SYT1: variants seen among roughly 807,000 people sequenced by gnomAD.
The protein encoded by SYT1 is synaptotagmin-1.
Under a neutral mutation model 44.8 loss-of-function variants are expected in SYT1, and 8 were observed. That is an observed-to-expected ratio of 0.18 (90% CI 0.10 to 0.32). The LOEUF (loss-of-function observed/expected upper bound fraction) is 0.32. Among genes scored for constraint, SYT1 ranks in the 10% least tolerant of loss-of-function variants. The pLI, the probability that SYT1 is intolerant of heterozygous loss-of-function variation, is 1.00. For missense variants in SYT1, 286 were observed against 509.3 expected (o/e 0.56, Z 4.22); for synonymous variants, 154 against 188.8 (o/e 0.82, Z 1.51).
intron 3 of SYT1, among the ~76,000 whole-genome samples, chr12:79,098,246 C>T (rs778725405): frequency 4.6e-5 from 7 of 151,746 alleles, no homozygotes; most frequent in Non-Finnish European, 1.0e-4. Context: ...GCCATCACTT[C>T]TTCCACGACA....
chr12:79,064,975 A>AGAAAGAAAGAAAGAAAGAAGGAAG (rs1875711683), intron 3 of SYT1, among the ~76,000 whole-genome samples: 4 of 149,202 alleles, frequency 2.7e-5, no homozygotes, highest in African/African-American at 1.0e-4. Flanking sequence ...AAAGAAAGAA[A>AGAAAGAAAGAAAGAAAGAAGGAAG]GAAAGAAAGA....
At chr12:78,982,785 A>G (rs1004085768) in intron 2 of SYT1, among the ~76,000 whole-genome samples, 11 of 152,176 alleles carry the variant, frequency 7.2e-5, no homozygotes, top group African/African-American at 2.4e-4. Flanking sequence ...TTGCTTGATA[A>G]TATTTCCTAC....
intron 1 of SYT1, among the ~76,000 whole-genome samples, chr12:78,916,160 A>G (rs1268512430): frequency 6.6e-6 from 1 of 152,040 alleles, no homozygotes; most frequent in African/African-American, 2.4e-5. Flanking sequence ...AAAGTAGTTA[A>G]GCTCTGTGGT....
intron 3 of SYT1, among the ~76,000 whole-genome samples, chr12:79,084,873 C>T (rs1404219219): frequency 6.6e-6 from 1 of 151,840 alleles, no homozygotes; most frequent in Non-Finnish European, 1.5e-5. Flanking sequence ...ATCCTGTAGC[C>T]AAAATGCTTG....
At chr12:79,362,770 T>A (rs1883368188) in intron 9 of SYT1, among the ~76,000 whole-genome samples, 1 of 152,154 alleles carries the variant, frequency 6.6e-6, no homozygotes, top group African/African-American at 2.4e-5. Context: ...CACCTTGATG[T>A]TTGAAAGAGA....
chr12:79,094,160 CT>C (rs1877965245), intron 3 of SYT1, among the ~76,000 whole-genome samples: 1 of 151,560 alleles, frequency 6.6e-6, no homozygotes, highest in South Asian at 2.1e-4. Flanking sequence ...TTTAGCAATA[CT>C]TTAAGGGTGT....
intron 3 of SYT1, among the ~76,000 whole-genome samples, chr12:79,217,161 T>C (rs914782835): frequency 5.3e-5 from 8 of 152,206 alleles, no homozygotes; most frequent in Admixed American, 5.2e-4. Context: ...TCATCAAGAA[T>C]TGTTTCATAC....
chr12:79,320,267 A>G (rs529577173), intron 8 of SYT1, among the ~76,000 whole-genome samples: 1 of 152,322 alleles, frequency 6.6e-6, no homozygotes, highest in South Asian at 2.1e-4. Flanking sequence ...TTCTCATGAA[A>G]GAGAGAGAGA....
At chr12:78,917,434 G>A (rs1392653125) in intron 1 of SYT1, among the ~76,000 whole-genome samples, 1 of 151,872 alleles carries the variant, frequency 6.6e-6, no homozygotes, top group Non-Finnish European at 1.5e-5. Context: ...ACACAAGAAG[G>A]GGAACATCAC....
At chr12:79,445,757 T>TA (rs1292238023) in intron 10 of SYT1, among the ~76,000 whole-genome samples, 1 of 150,718 alleles carries the variant, frequency 6.6e-6, no homozygotes, top group Non-Finnish European at 1.5e-5. Flanking sequence ...ATACCACTCT[T>TA]AATATGCCAA....
intron 8 of SYT1, among the ~76,000 whole-genome samples, chr12:79,320,990 T>G (rs1458949007): frequency 6.6e-6 from 1 of 152,150 alleles, no homozygotes; most frequent in Admixed American, 6.5e-5. Context: ...CCATTCTACC[T>G]GCTGGCTTGT....
At chr12:78,951,324 T>C (rs1878956033) in intron 1 of SYT1, among the ~76,000 whole-genome samples, 1 of 152,150 alleles carries the variant, frequency 6.6e-6, no homozygotes, top group African/African-American at 2.4e-5. Context: ...TATTATTTCC[T>C]AGATTTATGC....
intron 3 of SYT1, among the ~76,000 whole-genome samples, chr12:79,180,206 T>TTA (rs1872438126): frequency 6.6e-6 from 1 of 151,706 alleles, no homozygotes. Flanking sequence ...AAACCATTAT[T>TTA]TCTTTGAAAA....
chr12:79,026,125 A>G (rs1031193490), intron 2 of SYT1, among the ~76,000 whole-genome samples: 4 of 151,748 alleles, frequency 2.6e-5, no homozygotes, highest in African/African-American at 9.7e-5. Flanking sequence ...AAATATTACT[A>G]TTCAAGTGTT....
At chr12:78,889,106 C>T (rs891412007) in intron 1 of SYT1, among the ~76,000 whole-genome samples, 4 of 151,572 alleles carry the variant, frequency 2.6e-5, no homozygotes, top group Non-Finnish European at 5.9e-5. Flanking sequence ...ATTTGAGAAC[C>T]TTATAGTTAA....
intron 3 of SYT1, among the ~76,000 whole-genome samples, chr12:79,055,455 G>C (rs1874860008): frequency 6.6e-6 from 1 of 151,952 alleles, no homozygotes; most frequent in South Asian, 2.1e-4. Context: ...AAATGATTTA[G>C]CTATATGAAT....
intron 2 of SYT1, among the ~76,000 whole-genome samples, chr12:78,985,969 G>A (rs2137460652): frequency 6.6e-6 from 1 of 152,116 alleles, no homozygotes; most frequent in East Asian, 1.9e-4. Flanking sequence ...CAGAAGGAAA[G>A]AGAAATTATA....
At chr12:79,173,006 AGG>A (rs748815857) in intron 3 of SYT1, among the ~76,000 whole-genome samples, 10 of 137,358 alleles carry the variant, frequency 7.3e-5, no homozygotes, top group South Asian at 2.3e-4. Context: ...AAAAAAAAAA[AGG>A]GAGTTTGGCC....
chr12:79,191,247 TA>T (rs1873105361), intron 3 of SYT1, among the ~76,000 whole-genome samples: 1 of 152,084 alleles, frequency 6.6e-6, no homozygotes, highest in Non-Finnish European at 1.5e-5. Flanking sequence ...ATACCAATTA[TA>T]AAAATAAGGA....
Sources: allele counts gnomAD v4.1 joint callset (sites outside exome capture counted in the v4.1 genomes callset), GRCh38; gene constraint gnomAD v4.1.1; transcripts MANE v1.5; gene names NCBI Gene and HGNC (gene_info 2026-07-23, HGNC 2026-07-21).